The following ANKRD30A variants were observed in gnomAD, a reference collection of about 807,000 sequenced individuals.
ANKRD30A encodes ankyrin repeat domain-containing protein 30A.
ANKRD30A carries 170 observed loss-of-function variants against 166.3 expected under a neutral mutation model. That is an observed-to-expected ratio of 1.02 (90% CI 0.90 to 1.16). ANKRD30A has a LOEUF of 1.16. Among genes scored for constraint, ANKRD30A ranks in the 50% most tolerant of loss-of-function variants. The pLI, the probability that ANKRD30A is intolerant of heterozygous loss-of-function variation, is 0.00. For missense variants in ANKRD30A, 1,630 were observed against 1,518.0 expected (o/e 1.07, Z -1.23); for synonymous variants, 564 against 508.9 (o/e 1.11, Z -1.46).
rs367881405 is a variant in ANKRD30A, at chr10:37,193,187, C to A, written c.2543C>A (p.Ala848Asp). 1 of 1,611,870 alleles carries A rather than the reference C, an allele frequency of 6.2e-7. No individual in the cohort carries two copies. The highest frequency in any genetic ancestry group is 2.3e-5 in the East Asian group (1 of 44,430). The part of the protein sequence containing the change: ...ESPDNDGFLK[A>D]PCRMKVSIPT... ...TGTTTTGTTTCTAAACCCATTTAGG[C>A]TCCCTGCAGAATGAAAGTTTCTATT... is the stretch of plus-strand genomic sequence containing the variant. The change falls in exon 27 of 36, where the codon GCT becomes GAT. Residue 848 changes from alanine (A) to aspartate (D), a missense_variant and splice_region_variant. This residue lies in a region of ANKRD30A where 712 missense variants were observed against 629.3 expected (regional missense o/e 1.13). Coordinates refer to ENST00000361713, the MANE Select transcript of ANKRD30A (RefSeq NM_052997.3).
At chr10:37,165,983 G>T (rs1839296445) in intron 18 of ANKRD30A, among the ~76,000 whole-genome samples, 1 of 152,074 alleles carries the variant, frequency 6.6e-6, no homozygotes, top group Non-Finnish European at 1.5e-5. Context: ...ATTTAGATGT[G>T]ACATAACTTT....
chr10:37,207,811 C>A (rs1330775830), intron 31 of ANKRD30A, among the ~76,000 whole-genome samples: 1 of 151,840 alleles, frequency 6.6e-6, no homozygotes. Context: ...CCTCTTTAAA[C>A]TTTAAATGAC....
chr10:37,201,225 C>T lies in ANKRD30A; in HGVS notation c.2779-10C>T, dbSNP rs753247309. On this transcript the variant is annotated splice_polypyrimidine_tract_variant and intron_variant, in intron 30 of 35. Transcript: ENST00000361713. ...CCATTGAAATTATTTATTGATATTACTTTTAACAGAGTCTCCGTGAGACTG... is the reference window on the plus strand; with the variant it reads ...CCATTGAAATTATTTATTGATATTATTTTTAACAGAGTCTCCGTGAGACTG... 1 of 1,525,420 alleles carries T rather than the reference C, an allele frequency of 6.6e-7. No individual in the cohort carries two copies. Among genetic ancestry groups the T allele is most frequent in the Non-Finnish European group, 8.8e-7 (1 of 1,135,772 alleles). The allele number at this position is 1,525,420 out of a possible 1,614,324, so 94.5% of individuals were successfully genotyped here.
chr10:37,178,307 G>A (rs1270496103), intron 24 of ANKRD30A, among the ~76,000 whole-genome samples: 1 of 151,292 alleles, frequency 6.6e-6, no homozygotes, highest in African/African-American at 2.4e-5. Flanking sequence ...TGCAATAGGT[G>A]AGAATAAGCA....
chr10:37,132,703 A>T (rs1836451586), intron 4 of ANKRD30A, among the ~76,000 whole-genome samples: 1 of 152,222 alleles, frequency 6.6e-6, no homozygotes, highest in African/African-American at 2.4e-5. Flanking sequence ...CACTTTTTAA[A>T]AAATGCAATA....
chr10:37,126,998 G>T (rs1366702087), intron 1 of ANKRD30A, among the ~76,000 whole-genome samples: 2 of 116,908 alleles, frequency 1.7e-5, no homozygotes, highest in African/African-American at 3.3e-5. Flanking sequence ...AGAGAGCCGA[G>T]ATCCCACCAC....
intron 4 of ANKRD30A, among the ~76,000 whole-genome samples, 173 bp from the exon 5 acceptor site, chr10:37,133,743 A>G (rs1447745901): frequency 6.6e-6 from 1 of 152,230 alleles, no homozygotes; most frequent in East Asian, 1.9e-4. Flanking sequence ...CCCGTGGGAC[A>G]TGAATCTTTT....
At chr10:37,194,567 G>T (rs761565387) in intron 27 of ANKRD30A, among the ~76,000 whole-genome samples, 1 of 151,968 alleles carries the variant, frequency 6.6e-6, no homozygotes, top group Admixed American at 6.6e-5. Flanking sequence ...GTCTGATCCG[G>T]ATCTCCTGAC....
At position 37,137,360 on chromosome 10, in the gene ANKRD30A, A is replaced by G. The variant is rs142061068; in HGVS notation, c.820+689A>G. On this transcript the variant is annotated intron_variant, in intron 6 of 35. Transcript: ENST00000361713. ...AGGTACCCGGTTCATCTCACTGGAC[A>G]GTGTTGGAAAGTGGGCGCAGGACAG... Among the ~76,000 whole-genome samples the G allele has an allele frequency of 1.2e-4, 19 of 152,234 alleles. No individual in the cohort carries two copies. In the East Asian group the frequency reaches 3.7e-3, roughly 30 times the overall value.
chr10:37,255,477 A>G, the ANKRD30A span, among the ~76,000 whole-genome samples: 1 of 152,220 alleles, frequency 6.6e-6, no homozygotes. Context: ...TATTGTGGTA[A>G]AAGCATATGT....
chr10:37,126,209 C>A (rs1836001383), intron 1 of ANKRD30A, among the ~76,000 whole-genome samples: 1 of 152,192 alleles, frequency 6.6e-6, no homozygotes, highest in African/African-American at 2.4e-5. Context: ...GGGGTCCCTG[C>A]AGGGCGGAGG....
chr10:37,154,367 A>G (rs1262850447), intron 13 of ANKRD30A, among the ~76,000 whole-genome samples: 1 of 152,234 alleles, frequency 6.6e-6, no homozygotes, highest in Non-Finnish European at 1.5e-5. Context: ...ATTTTTAAAA[A>G]GTTCTCAGGT....
At position 37,125,667 on chromosome 10, in the gene ANKRD30A, T is replaced by TAAAA; in HGVS notation, c.-120_-119insAAAA. The TAAAA allele has an allele frequency of 1.6e-5, 7 of 429,262 alleles. No individual in the cohort carries two copies. Among genetic ancestry groups the TAAAA allele is most frequent in the East Asian group, 8.5e-5 (2 of 23,574 alleles). The allele number at this position is 429,262 out of a possible 1,614,324, so 26.6% of individuals were successfully genotyped here. A position where few individuals can be genotyped will look rare whatever the true frequency, so the allele number is the denominator to read the frequency against. ...AGAGCTTGGCGAACACAGAACTTTT[T>TAAAA]ACGGGTATCGAGGCGGTGCGTGGAC... On this transcript the variant is annotated 5_prime_UTR_variant, in exon 1 of 36. Transcript: ENST00000361713.
At chr10:37,159,321 A>T (rs1412819241) in intron 15 of ANKRD30A, among the ~76,000 whole-genome samples, 3 of 152,164 alleles carry the variant, frequency 2.0e-5, no homozygotes, top group African/African-American at 7.2e-5. Context: ...GTCCCAGACC[A>T]GCCTGGTCAA....
chr10:37,136,736 C>T, intron 6 of ANKRD30A, 65 bp downstream of exon 6: 1 of 962,008 alleles, frequency 1.0e-6, no homozygotes. Flanking sequence ...GTGTTGATCA[C>T]AAAAAGGTAA....
intron 4 of ANKRD30A, 90 bp downstream of exon 4, chr10:37,132,436 A>G (rs1836435190): frequency 5.4e-6 from 4 of 734,078 alleles, no homozygotes; most frequent in Admixed American, 3.3e-5. Context: ...ACATTTACTT[A>G]AAATTGTTAG....
Position 37,219,885 on chromosome 10 carries a change from A to G in ANKRD30A, c.4173A>G (p.Lys1391=). The G allele has an allele frequency of 6.6e-7, 1 of 1,509,014 alleles. No homozygotes were observed. Among genetic ancestry groups the G allele is most frequent in the East Asian group, 2.4e-5 (1 of 42,076 alleles). 93.5% of individuals were successfully genotyped at this position (1,509,014 alleles called of 1,614,324 possible). The stretch of plus-strand genomic sequence containing the variant: ...GTATATATCAATATGAAAAAGAGAA[A>G]GCAGAAACAGAAGTAAGTATCAAAA... ...KNRIYQYEKE[K]AETENS Residue 1391 remains lysine, a synonymous_variant, in exon 34 of 36, where the codon AAA becomes AAG. Transcript: ENST00000361713.
At chr10:37,134,961 A>G (rs990062322) in intron 5 of ANKRD30A, among the ~76,000 whole-genome samples, 5 of 152,212 alleles carry the variant, frequency 3.3e-5, no homozygotes, top group African/African-American at 1.2e-4. Context: ...AAGTAGCAGA[A>G]GGTCTTATCT....
intron 21 of ANKRD30A, among the ~76,000 whole-genome samples, chr10:37,171,662 A>G (rs1839572573): frequency 6.6e-6 from 1 of 151,434 alleles, no homozygotes; most frequent in South Asian, 2.1e-4. Flanking sequence ...TATATGAAAT[A>G]ATGTCTGAAG....
Sources: gnomAD v4.1 joint callset for allele counts (sites outside exome capture counted in the v4.1 genomes callset) on GRCh38, gnomAD v4.1.1 for gene constraint, gnomAD v4.1.1 regional missense constraint, MANE v1.5 for transcripts, NCBI Gene and HGNC (gene_info 2026-07-23, HGNC 2026-07-21) for gene names.